Variants in BANK1 observed in about 807,000 individuals in gnomAD.
BANK1 encodes the protein B-cell scaffold protein with ankyrin repeats.
Under a neutral mutation model 94.5 loss-of-function variants are expected in BANK1, and 95 were observed. The ratio of observed to expected loss-of-function variants is 1.00; its 90% CI spans 0.85 to 1.19. The LOEUF (loss-of-function observed/expected upper bound fraction) is 1.19, where lower values mean the gene tolerates loss of function less well. BANK1 is among the 50% of genes most tolerant of loss of function. The pLI is 0.00. For synonymous variants in BANK1, 334 were observed against 308.4 expected, an observed-to-expected ratio of 1.08 and a Z score of -0.87; for missense variants, 987 against 932.2, an observed-to-expected ratio of 1.06 and a Z score of -0.77.
Position 101,876,378 on chromosome 4 carries a change from AAAGT to A in BANK1, c.903+5738_903+5741del, listed in dbSNP as rs539074802. ...AACAGAGGGAGGCTTTGTTTGGGCC[AAAGT>A]AAGGGAAGAGAATAAGAGTCTCTGC... On this transcript the variant is annotated intron_variant, in intron 5 of 16. Coordinates refer to ENST00000322953, the MANE Select transcript of BANK1 (RefSeq NM_017935.5). 4.5e-4 allele frequency among the ~76,000 whole-genome samples: 68 copies of A among 152,364 alleles called. 1 individual carries two copies. Among genetic ancestry groups the A allele is most frequent in the Middle Eastern group, 6.8e-3 (2 of 294 alleles).
At chr4:102,046,934 C>T (rs1182436361) in intron 11 of BANK1, among the ~76,000 whole-genome samples, 1 of 151,968 alleles carries the variant, frequency 6.6e-6, no homozygotes, top group East Asian at 1.9e-4. Flanking sequence ...ACATACAGGC[C>T]CATCTTTGAA....
chr4:101,932,118 T>A (rs183685794), intron 7 of BANK1, among the ~76,000 whole-genome samples: 47 of 151,594 alleles, frequency 3.1e-4, no homozygotes, highest in African/African-American at 1.1e-3. Flanking sequence ...AGTAGATGAA[T>A]GTTAAATGCC....
At chr4:102,030,432 G>T (rs1411901236) in intron 10 of BANK1, among the ~76,000 whole-genome samples, 167 bp downstream of exon 10, 1 of 151,608 alleles carries the variant, frequency 6.6e-6, no homozygotes, top group East Asian at 1.9e-4. Context: ...TCCACTAAGA[G>T]TATTTTTTTA....
At chr4:101,830,927 G>C (rs1053095102) in intron 2 of BANK1, among the ~76,000 whole-genome samples, 1 of 151,802 alleles carries the variant, frequency 6.6e-6, no homozygotes, top group African/African-American at 2.4e-5. Flanking sequence ...TATTTTTTTT[G>C]GAGCAAATTT....
intron 7 of BANK1, among the ~76,000 whole-genome samples, chr4:102,002,050 T>C (rs1479413781): frequency 6.6e-6 from 1 of 152,240 alleles, no homozygotes; most frequent in Non-Finnish European, 1.5e-5. Flanking sequence ...CACCTCCATG[T>C]TTTTGGCTTC....
intron 1 of BANK1, among the ~76,000 whole-genome samples, chr4:101,810,420 C>T (rs1725701639): frequency 6.6e-6 from 1 of 152,108 alleles, no homozygotes; most frequent in South Asian, 2.1e-4. Flanking sequence ...GCAGATAGGA[C>T]CTTCCGCATC....
At chr4:102,055,115 G>T (rs1728182717) in intron 11 of BANK1, among the ~76,000 whole-genome samples, 1 of 151,942 alleles carries the variant, frequency 6.6e-6, no homozygotes, top group Non-Finnish European at 1.5e-5. Context: ...AATATCACTA[G>T]ACTAATGACC....
intron 5 of BANK1, among the ~76,000 whole-genome samples, chr4:101,885,317 A>G (rs921403659): frequency 1.1e-4 from 17 of 152,312 alleles, no homozygotes; most frequent in African/African-American, 4.1e-4. Flanking sequence ...GACATGAGCC[A>G]TGTAGCCCTG....
chr4:101,832,560 T>G (rs914168127), intron 2 of BANK1, among the ~76,000 whole-genome samples: 1 of 152,168 alleles, frequency 6.6e-6, no homozygotes, highest in African/African-American at 2.4e-5. Context: ...TGAGTTTCTC[T>G]TTCTCTGTAT....
At chr4:101,872,994 T>G (rs1451778148) in intron 5 of BANK1, among the ~76,000 whole-genome samples, 1 of 109,968 alleles carries the variant, frequency 9.1e-6, no homozygotes, top group African/African-American at 3.3e-5. Context: ...TCTCAAAAAC[T>G]AAAGAAAAAA....
chr4:102,054,541 A>G (rs566788345), intron 11 of BANK1, among the ~76,000 whole-genome samples: 1 of 152,228 alleles, frequency 6.6e-6, no homozygotes, highest in South Asian at 2.1e-4. Flanking sequence ...ACAGACTGAA[A>G]TGTGGACAAA....
intron 11 of BANK1, among the ~76,000 whole-genome samples, chr4:102,049,813 G>C (rs76743730): frequency 0.024 from 3,697 of 152,282 alleles, 179 homozygotes; most frequent in African/African-American, 0.086. Flanking sequence ...GCAAGTGGGC[G>C]CAAGCATGTG....
intron 11 of BANK1, among the ~76,000 whole-genome samples, chr4:102,056,418 C>T (rs1189853723): frequency 6.6e-6 from 1 of 151,794 alleles, no homozygotes; most frequent in Non-Finnish European, 1.5e-5. Context: ...ATTGAATATA[C>T]AAACTTTGGA....
chr4:101,855,286 C>T (rs1384671016), intron 3 of BANK1, 97 bp downstream of exon 3: 4 of 1,251,090 alleles, frequency 3.2e-6, no homozygotes, highest in Non-Finnish European at 4.4e-6. Flanking sequence ...ATTAGGTTGC[C>T]CAGGCTGGTC....
chr4:102,030,284 T>C lies in BANK1; in HGVS notation c.1900+19T>C. 1 of 1,538,312 alleles carries C rather than the reference T, an allele frequency of 6.5e-7. No homozygotes were observed. The highest frequency in any genetic ancestry group is 8.7e-7 in the Non-Finnish European group (1 of 1,148,046). ...GCTCAAGGTAATTATCATTGTTGTT[T>C]GTTTACTTGTTAATTTTTTTTGTCC... On this transcript the variant is annotated intron_variant, in intron 10 of 16. Transcript: ENST00000322953.
intron 7 of BANK1, among the ~76,000 whole-genome samples, chr4:102,018,625 A>G (rs796964181): frequency 2.0e-5 from 3 of 152,330 alleles, no homozygotes; most frequent in African/African-American, 7.2e-5. Context: ...CTGTGCTACA[A>G]GGACTATCTG....
chr4:102,045,732 C>A (rs1308811693), intron 11 of BANK1, among the ~76,000 whole-genome samples: 1 of 150,954 alleles, frequency 6.6e-6, no homozygotes, highest in Non-Finnish European at 1.5e-5. Context: ...ATCCAACTTA[C>A]AAGGGATGTG....
chr4:102,066,481 T>C (rs1409014783), intron 13 of BANK1, among the ~76,000 whole-genome samples: 1 of 152,044 alleles, frequency 6.6e-6, no homozygotes, highest in Admixed American at 6.6e-5. Context: ...ATGGTCTCGA[T>C]CTCCTGACCT....
At chr4:101,842,980 T>A (rs1727109806) in intron 2 of BANK1, among the ~76,000 whole-genome samples, 1 of 152,246 alleles carries the variant, frequency 6.6e-6, no homozygotes, top group African/African-American at 2.4e-5. Flanking sequence ...TATCTTCTCA[T>A]GCTAAATGAG....
Sources: allele counts gnomAD v4.1 joint callset (sites outside exome capture counted in the v4.1 genomes callset), GRCh38; gene constraint gnomAD v4.1.1; transcripts MANE v1.5; gene names NCBI Gene and HGNC (gene_info 2026-07-23, HGNC 2026-07-21).